The following ATXN7L1 variants were observed in gnomAD, a reference collection of about 807,000 sequenced individuals.
ATXN7L1 encodes the protein ataxin-7-like protein 1.
ATXN7L1 carries 15 observed loss-of-function variants against 70.8 expected under a neutral mutation model. That is an observed-to-expected ratio of 0.21 (90% CI 0.14 to 0.33). ATXN7L1 has a LOEUF of 0.33. Ranked by LOEUF, ATXN7L1 falls within the 10% of genes least tolerant of loss-of-function variation. The probability of loss-of-function intolerance (pLI) is 1.00; values close to 1 mark genes in which losing one functional copy is unlikely to be tolerated. For synonymous variants in ATXN7L1, 440 were observed against 445.1 expected, an observed-to-expected ratio of 0.99 and a Z score of 0.14; for missense variants, 975 against 1,097.1, an observed-to-expected ratio of 0.89 and a Z score of 1.57.
intron 3 of ATXN7L1, among the ~76,000 whole-genome samples, chr7:105,697,115 A>G (rs1791819679): frequency 6.6e-6 from 1 of 152,074 alleles, no homozygotes; most frequent in South Asian, 2.1e-4. Flanking sequence ...GACCGAGGCA[A>G]AATTAAAATT....
intron 3 of ATXN7L1, among the ~76,000 whole-genome samples, chr7:105,782,423 T>C (rs1563088200): frequency 6.6e-6 from 1 of 152,244 alleles, no homozygotes; most frequent in Non-Finnish European, 1.5e-5. Context: ...AAAAGGCTGT[T>C]GGTACAGACT....
At chr7:105,670,631 C>T (rs893917917) in intron 3 of ATXN7L1, among the ~76,000 whole-genome samples, 2 of 151,400 alleles carry the variant, frequency 1.3e-5, no homozygotes, top group African/African-American at 4.9e-5. Context: ...TATTTAGCTA[C>T]TCTCTTGCTG....
At chr7:105,844,797 G>A (rs1813730809) in intron 2 of ATXN7L1, among the ~76,000 whole-genome samples, 1 of 152,136 alleles carries the variant, frequency 6.6e-6, no homozygotes, top group African/African-American at 2.4e-5. Flanking sequence ...ATCTCTATTT[G>A]CAGATGACAT....
intron 7 of ATXN7L1, among the ~76,000 whole-genome samples, chr7:105,629,131 T>A (rs1309429591): frequency 1.3e-5 from 2 of 151,990 alleles, no homozygotes; most frequent in Non-Finnish European, 2.9e-5. Context: ...CTGAGCCCAG[T>A]GAAATTTGCT....
At chr7:105,833,605 T>TC (rs2116593163) in intron 2 of ATXN7L1, among the ~76,000 whole-genome samples, 1 of 111,384 alleles carries the variant, frequency 9.0e-6, no homozygotes, top group East Asian at 1.9e-4. Flanking sequence ...GATTTTGGTT[T>TC]CATGAGAGTA....
chr7:105,683,142 C>T (rs148363967), intron 3 of ATXN7L1, among the ~76,000 whole-genome samples: 33 of 152,318 alleles, frequency 2.2e-4, no homozygotes, highest in East Asian at 1.7e-3. Context: ...AGTTCCCAAA[C>T]GCTAATGCTA....
At chr7:105,668,671 C>G (rs1157008272) in intron 3 of ATXN7L1, among the ~76,000 whole-genome samples, 1 of 152,170 alleles carries the variant, frequency 6.6e-6, no homozygotes, top group East Asian at 1.9e-4. Context: ...ATTTGCCCGT[C>G]TCAGCCTCCC....
At chr7:105,739,155 C>G (rs1022736951) in intron 3 of ATXN7L1, among the ~76,000 whole-genome samples, 1 of 152,148 alleles carries the variant, frequency 6.6e-6, no homozygotes, top group East Asian at 1.9e-4. Context: ...TGGAACCATG[C>G]CTTAAGGCCT....
At chr7:105,755,113 C>T (rs762809961) in intron 3 of ATXN7L1, among the ~76,000 whole-genome samples, 41 of 152,332 alleles carry the variant, frequency 2.7e-4, no homozygotes, top group Admixed American at 1.6e-3. Flanking sequence ...CCCTCATCGC[C>T]GGTTTCCAGA....
chr7:105,710,290 A>T (rs1332605523), intron 3 of ATXN7L1, among the ~76,000 whole-genome samples: 1 of 152,128 alleles, frequency 6.6e-6, no homozygotes. Flanking sequence ...AGGAAGCATG[A>T]CTGGGAGGCC....
intron 3 of ATXN7L1, among the ~76,000 whole-genome samples, chr7:105,763,803 T>G (rs952112978): frequency 1.3e-5 from 2 of 152,118 alleles, no homozygotes; most frequent in Admixed American, 6.6e-5. Flanking sequence ...TGATAGTCAC[T>G]TCCTTCATAA....
intron 2 of ATXN7L1, among the ~76,000 whole-genome samples, chr7:105,797,851 C>T (rs763499207): frequency 3.3e-5 from 5 of 152,170 alleles, no homozygotes; most frequent in South Asian, 2.1e-4. Flanking sequence ...TCTCACCAGA[C>T]GGCAATCTTC....
At chr7:105,862,820 G>A (rs767878695) in intron 2 of ATXN7L1, among the ~76,000 whole-genome samples, 2 of 152,120 alleles carry the variant, frequency 1.3e-5, no homozygotes, top group African/African-American at 2.4e-5. Context: ...CCAAAGTCAC[G>A]GGAAGTAAAT....
At chr7:105,622,490 C>T (rs759422973) in intron 8 of ATXN7L1, among the ~76,000 whole-genome samples, 6 of 152,224 alleles carry the variant, frequency 3.9e-5, no homozygotes, top group Non-Finnish European at 7.3e-5. Context: ...CGTGGGCCAC[C>T]GTGGCAGACC....
At chr7:105,836,455 C>A (rs1228232163) in intron 2 of ATXN7L1, among the ~76,000 whole-genome samples, 3 of 152,066 alleles carry the variant, frequency 2.0e-5, no homozygotes, top group Non-Finnish European at 2.9e-5. Context: ...AAATGGGATG[C>A]CAGCATTTAA....
intron 4 of ATXN7L1, among the ~76,000 whole-genome samples, chr7:105,657,737 G>C (rs372897859): frequency 9.7e-6 from 1 of 103,136 alleles, no homozygotes; most frequent in Admixed American, 9.5e-5. Flanking sequence ...AAAAAGATAA[G>C]AAAAAAAGTG....
At chr7:105,874,373 G>A (rs114298438) in intron 2 of ATXN7L1, among the ~76,000 whole-genome samples, 95 of 152,246 alleles carry the variant, frequency 6.2e-4, no homozygotes, top group African/African-American at 2.2e-3. Flanking sequence ...TGATAACTGG[G>A]TCTTGCAAGC....
intron 7 of ATXN7L1, among the ~76,000 whole-genome samples, chr7:105,624,809 T>C (rs1408789441): frequency 6.6e-6 from 1 of 152,066 alleles, no homozygotes; most frequent in Admixed American, 6.5e-5. Context: ...CCACTTGTTG[T>C]CCCTGGCGCA....
At chr7:105,647,128 T>A (rs760756356) in intron 4 of ATXN7L1, among the ~76,000 whole-genome samples, 12 of 152,346 alleles carry the variant, frequency 7.9e-5, no homozygotes, top group Non-Finnish European at 1.0e-4. Flanking sequence ...CAGCCTTCTC[T>A]GATGTATTAA....
Sources: allele counts gnomAD v4.1 joint callset (sites outside exome capture counted in the v4.1 genomes callset), GRCh38; gene constraint gnomAD v4.1.1; transcripts MANE v1.5; gene names NCBI Gene and HGNC (gene_info 2026-07-23, HGNC 2026-07-21).